Variants in CTDSP2 observed in about 807,000 individuals in gnomAD.
CTDSP2 encodes carboxy-terminal domain RNA polymerase II polypeptide A small phosphatase 2.
In CTDSP2, 9 loss-of-function variants were observed where a neutral mutation model predicts 31.6. The observed-to-expected ratio is 0.28, with a 90% CI of 0.17 to 0.50. CTDSP2 has a LOEUF of 0.50. Ranked by LOEUF, CTDSP2 falls within the 20% of genes least tolerant of loss-of-function variation. The probability of loss-of-function intolerance (pLI) is 0.98; values close to 1 mark genes in which losing one functional copy is unlikely to be tolerated. For synonymous variants in CTDSP2, 134 were observed against 134.5 expected (o/e 1.00, Z 0.03); for missense variants, 267 against 348.5 (o/e 0.77, Z 1.86).
In CTDSP2 at chr12:57,820,637, A is replaced by ATCTT. The variant is rs1404811590; in HGVS notation, c.*2961_*2964dup. On this transcript the variant is annotated 3_prime_UTR_variant, in exon 8 of 8. Transcript: ENST00000398073. The stretch of plus-strand genomic sequence containing the variant: ...TTTATACATTTACAAAATGCTTAAA[A>ATCTT]TCTTTGGGAAGCAAGAGGAAGCTAA... The ATCTT allele has an allele frequency of 6.6e-6, 1 of 152,642 alleles. No homozygotes were observed. Among genetic ancestry groups the ATCTT allele is most frequent in the Non-Finnish European group, 1.5e-5 (1 of 68,054 alleles). 9.5% of individuals were successfully genotyped at this position (152,642 alleles called of 1,614,324 possible). A position where few individuals can be genotyped will look rare whatever the true frequency, so the allele number is the denominator to read the frequency against.
chr12:57,840,629 T>TGGGGCCA (rs2140484283), intron 1 of CTDSP2, among the ~76,000 whole-genome samples: 1 of 152,138 alleles, frequency 6.6e-6, no homozygotes, highest in East Asian at 1.9e-4. Context: ...TCACTGGGAT[T>TGGGGCCA]GGGGCCATAT....
chr12:57,842,651 A>T (rs538093371), intron 1 of CTDSP2: 1 of 152,132 alleles, frequency 6.6e-6, no homozygotes, highest in Non-Finnish European at 1.5e-5. Flanking sequence ...TGGGGGAAAA[A>T]CTCCAAAGGA....
chr12:57,830,732 G>A (rs1346328643), intron 1 of CTDSP2, among the ~76,000 whole-genome samples: 5 of 152,124 alleles, frequency 3.3e-5, no homozygotes, highest in Non-Finnish European at 7.4e-5. Context: ...TGGAAACAAA[G>A]TCATTTTATT....
At chr12:57,824,144 C>G in intron 6 of CTDSP2, 55 bp from the exon 7 acceptor site, 1 of 1,610,714 alleles carries the variant, frequency 6.2e-7, no homozygotes, top group Non-Finnish European at 8.5e-7. Context: ...TCCTGTATAA[C>G]CCTAGGGACC....
intron 4 of CTDSP2, 119 bp from the exon 5 acceptor site, chr12:57,826,521 C>A: frequency 1.1e-6 from 1 of 900,270 alleles, no homozygotes; most frequent in East Asian, 2.6e-5. Flanking sequence ...TGCCTCTGGC[C>A]ACCTCATTAA....
At chr12:57,836,411 G>A (rs1407078842) in intron 1 of CTDSP2, among the ~76,000 whole-genome samples, 2 of 152,186 alleles carry the variant, frequency 1.3e-5, no homozygotes, top group African/African-American at 4.8e-5. Context: ...TGTAATCCCA[G>A]CACTTTGGGA....
Position 57,829,615 on chromosome 12 carries a change from C to CA in CTDSP2, c.65-20dup. On this transcript the variant is annotated intron_variant, in intron 1 of 7. Coordinates refer to ENST00000398073, the MANE Select transcript of CTDSP2 (RefSeq NM_005730.4). The stretch of plus-strand genomic sequence containing the variant: ...ACCAGGCCTAGGGTGGAGAGAATGA[C>CA]AGAGGCTTTAGCTCTAGGGACATCA... The CA allele has an allele frequency of 6.2e-7, 1 of 1,612,070 alleles. No individual in the cohort carries two copies. The highest frequency in any genetic ancestry group is 8.5e-7 in the Non-Finnish European group (1 of 1,178,116).
intron 2 of CTDSP2, among the ~76,000 whole-genome samples, chr12:57,828,757 G>A (rs1956198285): frequency 1.3e-5 from 2 of 152,230 alleles, no homozygotes. Flanking sequence ...AAAAAGGAAG[G>A]ACAACCAGAC....
chr12:57,828,421 C>T (rs1019025755), intron 2 of CTDSP2, among the ~76,000 whole-genome samples: 1 of 63,166 alleles, frequency 1.6e-5, no homozygotes, highest in Non-Finnish European at 3.3e-5. Flanking sequence ...AACTCCATCT[C>T]AAAAAAAAAA....
At chr12:57,846,296 G>T (rs1051885560) in intron 1 of CTDSP2, 76 bp downstream of exon 1, 1 of 1,397,634 alleles carries the variant, frequency 7.2e-7, no homozygotes, top group Non-Finnish European at 9.9e-7. Context: ...CAAGGGCCGA[G>T]ACCTGGGTTC....
intron 1 of CTDSP2, among the ~76,000 whole-genome samples, chr12:57,832,880 T>C: frequency 6.6e-6 from 1 of 151,170 alleles, no homozygotes; most frequent in Middle Eastern, 3.2e-3. Flanking sequence ...TTTCCCTATT[T>C]CTATGCTGAA....
At chr12:57,831,534 A>G (rs1222899257) in intron 1 of CTDSP2, among the ~76,000 whole-genome samples, 3 of 152,242 alleles carry the variant, frequency 2.0e-5, no homozygotes, top group Non-Finnish European at 4.4e-5. Flanking sequence ...GTAGAAAGAT[A>G]CAATGGTCAC....
At chr12:57,844,184 G>A (rs1956299369) in intron 1 of CTDSP2, among the ~76,000 whole-genome samples, 1 of 151,676 alleles carries the variant, frequency 6.6e-6, no homozygotes, top group Admixed American at 6.6e-5. Context: ...AACAGAGTAA[G>A]ACTCCATCTC....
In CTDSP2 at chr12:57,821,608, G is replaced by C. The variant is rs1056603155; in HGVS notation, c.*1994C>G. ...AGGCCCCTCCTGCAATATTAGGATA[G>C]CAGCCTAGGTCAGGCCTTGGGTCCG... On this transcript the variant is annotated 3_prime_UTR_variant, in exon 8 of 8. Coordinates refer to ENST00000398073, the MANE Select transcript of CTDSP2 (RefSeq NM_005730.4). 1.3e-5 allele frequency: 2 copies of C among 152,388 alleles called. No homozygotes were observed. Among genetic ancestry groups the C allele is most frequent in the Non-Finnish European group, 2.9e-5 (2 of 68,064 alleles). 9.4% of individuals were successfully genotyped at this position (152,388 alleles called of 1,614,324 possible).
intron 1 of CTDSP2, chr12:57,845,620 G>C (rs1956310092): frequency 6.6e-6 from 1 of 152,284 alleles, no homozygotes; most frequent in Non-Finnish European, 1.5e-5. Context: ...AAACAAACGC[G>C]GCTCTGTGTG....
At chr12:57,842,901 G>A (rs772437126) in intron 1 of CTDSP2, among the ~76,000 whole-genome samples, 3 of 152,190 alleles carry the variant, frequency 2.0e-5, no homozygotes, top group Non-Finnish European at 4.4e-5. Context: ...AACTTTTTGA[G>A]GGAATAAGGC....
At chr12:57,844,800 T>C (rs1236037909) in intron 1 of CTDSP2, among the ~76,000 whole-genome samples, 1 of 151,748 alleles carries the variant, frequency 6.6e-6, no homozygotes, top group Non-Finnish European at 1.5e-5. Flanking sequence ...GGCCGGAGCC[T>C]TCTCGGGGGT....
Position 57,823,707 on chromosome 12 carries a change from A to G in CTDSP2, c.711T>C (p.Phe237=). 6.2e-7 allele frequency: 1 copy of G among 1,614,044 alleles called. No individual in the cohort carries two copies. The highest frequency in any genetic ancestry group is 8.5e-7 in the Non-Finnish European group (1 of 1,180,012). ...PENAVPVQSW[F]DDMADTELLN... ...GCAACTCAGTGTCTGCCATGTCATC[A>G]AACCAGGACTGCACAGGCACCTGGT... Residue 237 remains phenylalanine (F), a synonymous_variant, in exon 8 of 8, where the codon TTT becomes TTC. Coordinates refer to ENST00000398073, the MANE Select transcript of CTDSP2 (RefSeq NM_005730.4).
chr12:57,826,439 G>A (rs1218900950), intron 4 of CTDSP2, 37 bp from the exon 5 acceptor site: 1 of 1,607,016 alleles, frequency 6.2e-7, no homozygotes, highest in Admixed American at 1.7e-5. Flanking sequence ...CAGCATGGTG[G>A]CAAAGAAACA....
Sources: gnomAD v4.1 joint callset for allele counts (sites outside exome capture counted in the v4.1 genomes callset) on GRCh38, gnomAD v4.1.1 for gene constraint, MANE v1.5 for transcripts, NCBI Gene and HGNC (gene_info 2026-07-23, HGNC 2026-07-21) for gene names.